LIMS2: variants seen among roughly 807,000 people sequenced by gnomAD.
LIMS2 encodes LIM zinc finger domain containing 2, also known as LIM and senescent cell antigen-like-containing domain protein 2.
LIMS2 carries 30 observed loss-of-function variants against 45.3 expected under a neutral mutation model. The observed-to-expected ratio is 0.66, with a 90% confidence interval of 0.50 to 0.90. The LOEUF (loss-of-function observed/expected upper bound fraction) is 0.90, where lower values mean the gene tolerates loss of function less well. LIMS2 is among the 40% of genes least tolerant of loss of function. LIMS2 has a pLI of 0.00. For synonymous variants in LIMS2, 173 were observed against 188.0 expected, an observed-to-expected ratio of 0.92 and a Z score of 0.65; for missense variants, 485 against 468.7, an observed-to-expected ratio of 1.03 and a Z score of -0.32.
At chr2:127,643,799 G>A (rs186174526) in intron 4 of LIMS2, among the ~76,000 whole-genome samples, 2 of 152,182 alleles carry the variant, frequency 1.3e-5, no homozygotes, top group Admixed American at 6.5e-5. Context: ...AACCTCCCTG[G>A]CCCCCGTCTC....
intron 1 of LIMS2, 86 bp downstream of exon 1, chr2:127,674,927 CG>C (rs1363675798): frequency 8.2e-7 from 1 of 1,222,606 alleles, no homozygotes; most frequent in East Asian, 3.2e-5. Flanking sequence ...CGTGGCGCCG[CG>C]GGGCTGTACG....
chr2:127,658,652 C>T (rs1395133022), intron 1 of LIMS2, among the ~76,000 whole-genome samples: 2 of 152,210 alleles, frequency 1.3e-5, no homozygotes, highest in Non-Finnish European at 2.9e-5. Context: ...GTCCTAAACA[C>T]CCCAACTGCC....
At chr2:127,646,209 G>GGATC (rs2105230319) in intron 4 of LIMS2, 1 of 152,482 alleles carries the variant, frequency 6.6e-6, no homozygotes, top group African/African-American at 2.4e-5. Flanking sequence ...CTGCCCCGCA[G>GGATC]ACCCCTGTCC....
Position 127,657,537 on chromosome 2 carries a change from C to T in LIMS2, c.37G>A (p.Ala13Thr), listed in dbSNP as rs750865991. The T allele has an allele frequency of 1.1e-5, 18 of 1,608,336 alleles. No individual in the cohort carries two copies. Among genetic ancestry groups the T allele is most frequent in the Middle Eastern group, 1.7e-4 (1 of 6,022 alleles). The part of the protein sequence containing the change: ...GSNMSDALAN[A>T]VCQRCQARFS... ...CGGGCCTGGCAGCGCTGGCACACGG[C>T]GTTGGCCAAGGCGTCCGACATATTG... The change falls in exon 2 of 10, where the codon GCC becomes ACC. Residue 13 changes from alanine (A) to threonine (T), a missense_variant. Ala to Thr is a moderately conservative substitution (Grantham distance 58). Coordinates refer to ENST00000355119, the MANE Select transcript of LIMS2 (RefSeq NM_001161403.3).
At chr2:127,643,383 T>C in intron 4 of LIMS2, 5 of 496,988 alleles carry the variant, frequency 1.0e-5, no homozygotes, top group South Asian at 3.1e-5. Flanking sequence ...AGACATTTAA[T>C]TGATATCTGC....
At chr2:127,649,926 A>C in intron 4 of LIMS2, 1 of 1,138,168 alleles carries the variant, frequency 8.8e-7, no homozygotes, top group Non-Finnish European at 1.3e-6. Context: ...CTGGTGGTGG[A>C]TCTACTCTGG....
rs1685260175 is a variant in LIMS2, at chr2:127,671,304, G to T, written c.11+3710C>A. Among the ~76,000 whole-genome samples, 1 of 152,122 alleles carries T rather than the reference G, an allele frequency of 6.6e-6. No individual in the cohort carries two copies. Among genetic ancestry groups the T allele is most frequent in the African/African-American group, 2.4e-5 (1 of 41,418 alleles). Reference sequence around the variant, plus strand: ...AAAAATTAGCCGGTTGTGGTGGTATGCACCTGTAGTCCCAGCTACTTGGGA... The same window carrying T: ...AAAAATTAGCCGGTTGTGGTGGTATTCACCTGTAGTCCCAGCTACTTGGGA... On this transcript the variant is annotated intron_variant, in intron 1 of 9. Coordinates refer to ENST00000355119, the MANE Select transcript of LIMS2 (RefSeq NM_001161403.3). The surrounding 1 kb of genome is among the most constrained non-coding windows in gnomAD (Gnocchi z 4.1).
chr2:127,680,921 T>C (rs900711005), intron 1 of LIMS2, among the ~76,000 whole-genome samples: 2 of 152,216 alleles, frequency 1.3e-5, no homozygotes, highest in African/African-American at 2.4e-5. Flanking sequence ...AGAAGCCTCC[T>C]GGGCGCAGAG....
rs567530712 is a variant in LIMS2 at position 127,641,234 on chromosome 2, C to T, written c.661-246G>A. ...AATGCCCTGGGGTCAGCAGACCCTA[C>T]CCCTCCTCTAAGGCACTGATGGTAA... On this transcript the variant is annotated intron_variant, in intron 6 of 9. Transcript: ENST00000355119. The T allele has an allele frequency of 4.5e-5, 21 of 467,080 alleles. 1 individual carries two copies. In the South Asian group the frequency reaches 5.0e-4, roughly 11 times the overall value. The allele number at this position is 467,080 out of a possible 1,614,324, so 28.9% of individuals were successfully genotyped here.
At chr2:127,676,434 G>C (rs1486066327), upstream of LIMS2, among the ~76,000 whole-genome samples, 1 of 123,610 alleles carries the variant, frequency 8.1e-6, no homozygotes, top group African/African-American at 3.6e-5. Flanking sequence ...TTTTTGAGAC[G>C]GAGTTTCGCT....
At position 127,654,389 on chromosome 2, in the gene LIMS2, G is replaced by A. The variant is rs776466775; in HGVS notation, c.359+35C>T. The A allele has an allele frequency of 1.4e-5, 22 of 1,613,302 alleles. 1 individual carries two copies. In the East Asian group the frequency reaches 3.6e-4, roughly 26 times the overall value. Reference sequence around the variant, plus strand: ...GGCAGGTGTGCCAGGAAGGGCTGTGGCCCAGTCCTCTCTGGCCCAACACGG... The same window carrying A: ...GGCAGGTGTGCCAGGAAGGGCTGTGACCCAGTCCTCTCTGGCCCAACACGG... On this transcript the variant is annotated intron_variant, in intron 4 of 9. Coordinates refer to ENST00000355119, the MANE Select transcript of LIMS2 (RefSeq NM_001161403.3).
chr2:127,658,282 T>C (rs11891796), intron 1 of LIMS2, among the ~76,000 whole-genome samples: 25,452 of 152,162 alleles, frequency 0.17, 2,792 homozygotes, highest in African/African-American at 0.31. Flanking sequence ...GCCTGTAGTC[T>C]CAGCTACTCT....
At position 127,664,302 on chromosome 2, in the gene LIMS2, C is replaced by T; in HGVS notation, c.12-6740G>A. 4 of 1,236,852 alleles carry T rather than the reference C, an allele frequency of 3.2e-6. No homozygotes were observed. The highest frequency in any genetic ancestry group is 4.0e-6 in the Non-Finnish European group (4 of 991,014). The allele number at this position is 1,236,852 out of a possible 1,614,324, so 76.6% of individuals were successfully genotyped here. On this transcript the variant is annotated intron_variant, in intron 1 of 9. Transcript: ENST00000355119. The surrounding 1 kb of genome is among the most constrained non-coding windows in gnomAD (Gnocchi z 5.5). ...CGCCACCCGCCCCGCCCCTGGCCAC[C>T]TACCCCGTGGCTGGCGGCGGGCTCT...
At chr2:127,649,966 C>G (rs1173402914) in intron 4 of LIMS2, 9 of 1,519,750 alleles carry the variant, frequency 5.9e-6, no homozygotes, top group African/African-American at 4.1e-5. Flanking sequence ...TGGCCTGATA[C>G]CCAGGCACAG....
intron 4 of LIMS2, among the ~76,000 whole-genome samples, chr2:127,648,738 A>G (rs1031714963): frequency 2.0e-5 from 3 of 151,780 alleles, no homozygotes; most frequent in African/African-American, 7.3e-5. Context: ...CCTGGGCAAC[A>G]TGGCAAAACC....
intron 2 of LIMS2, 169 bp from the exon 3 acceptor site, chr2:127,655,065 G>A: frequency 2.9e-6 from 2 of 695,190 alleles, no homozygotes. Flanking sequence ...GAGGACACTG[G>A]CCCTTTTGGG....
chr2:127,663,058 T>C lies in LIMS2; in HGVS notation c.12-5496A>G, dbSNP rs199690550. 4.6e-5 allele frequency among the ~76,000 whole-genome samples: 7 copies of C among 152,368 alleles called. No individual in the cohort carries two copies. The East Asian group carries it at 7.7e-4, about 17-fold the overall frequency. On this transcript the variant is annotated intron_variant, in intron 1 of 9. Transcript: ENST00000355119. ...AACAGTGTGAATAGTCACATGCGCA[T>C]GCATGCTCAGGGCTGCCCCAGGCCT...
chr2:127,657,259 C>G, intron 2 of LIMS2, 144 bp downstream of exon 2: 1 of 883,942 alleles, frequency 1.1e-6, no homozygotes, highest in Non-Finnish European at 1.8e-6. Context: ...AGGATGGGCC[C>G]GTGCAGGAGC....
At chr2:127,648,644 G>A (rs556810329) in intron 4 of LIMS2, among the ~76,000 whole-genome samples, 1 of 152,110 alleles carries the variant, frequency 6.6e-6, no homozygotes. Flanking sequence ...ACTCATGCCT[G>A]TAATCCCAGC....
Sources: gnomAD v4.1 joint callset for allele counts (sites outside exome capture counted in the v4.1 genomes callset) on GRCh38, gnomAD v4.1.1 for gene constraint, Gnocchi (gnomAD v3.1) non-coding constraint, MANE v1.5 for transcripts, NCBI Gene and HGNC (gene_info 2026-07-23, HGNC 2026-07-21) for gene names.